EIF2AK4: variants seen among roughly 807,000 people sequenced by gnomAD.
The protein encoded by EIF2AK4 is eukaryotic translation initiation factor 2 alpha kinase 4, also known as eIF-2-alpha kinase GCN2.
EIF2AK4 carries 139 observed loss-of-function variants against 211.1 expected under a neutral mutation model. That is an observed-to-expected ratio of 0.66 (90% CI 0.57 to 0.76). The LOEUF is 0.76. EIF2AK4 is among the 30% of genes least tolerant of loss of function. The pLI, the probability that EIF2AK4 is intolerant of heterozygous loss-of-function variation, is 0.00. For missense variants in EIF2AK4, 1,664 were observed against 2,043.8 expected, an observed-to-expected ratio of 0.81 and a Z score of 3.58; for synonymous variants, 710 against 751.3, an observed-to-expected ratio of 0.94 and a Z score of 0.90.
At chr15:40,025,746 AG>A (rs2035458137) in intron 32 of EIF2AK4, among the ~76,000 whole-genome samples, 1 of 152,172 alleles carries the variant, frequency 6.6e-6, no homozygotes. Context: ...TCTCTGTTGT[AG>A]GGGGCTGTCC....
intron 32 of EIF2AK4, among the ~76,000 whole-genome samples, chr15:40,022,974 G>A (rs562316499): frequency 3.9e-5 from 6 of 152,134 alleles, no homozygotes; most frequent in Middle Eastern, 3.2e-3. Flanking sequence ...TGATCTGCCC[G>A]CCTCGGCCTC....
rs1324967705 is a variant in EIF2AK4 at position 40,020,974 on chromosome 15, C to T, written c.4249C>T (p.Gln1417Ter). Residue 1417 changes from glutamine to a stop codon, truncating the protein, a stop_gained, in exon 31 of 39, where the codon CAG becomes TAG. Coordinates refer to ENST00000263791, the MANE Select transcript of EIF2AK4 (RefSeq NM_001013703.4). LOFTEE classifies it high-confidence loss of function. Reference sequence around the variant, plus strand: ...TATGTCCAGGGCCATCAACCTAACCCAGAAACTCTGGACAGCAGGCATCAC... The same window carrying T: ...TATGTCCAGGGCCATCAACCTAACCTAGAAACTCTGGACAGCAGGCATCAC... ...MSMSRAINLT[Q>*]KLWTAGITAE... is the part of the protein sequence containing the mutation. 1 of 1,613,700 alleles carries T rather than the reference C, an allele frequency of 6.2e-7. No individual in the cohort carries two copies. Among genetic ancestry groups the T allele is most frequent in the African/African-American group, 1.3e-5 (1 of 74,886 alleles).
At chr15:39,953,770 T>C (rs2034352378) in intron 4 of EIF2AK4, 134 bp from the exon 5 acceptor site, 1 of 810,216 alleles carries the variant, frequency 1.2e-6, no homozygotes, top group Non-Finnish European at 2.0e-6. Flanking sequence ...TGTACTAAGA[T>C]GCTGTGTTTT....
At chr15:39,944,917 A>AT (rs1343820552) in intron 3 of EIF2AK4, among the ~76,000 whole-genome samples, 2 of 152,212 alleles carry the variant, frequency 1.3e-5, no homozygotes, top group African/African-American at 4.8e-5. Flanking sequence ...AGTTGTAAAA[A>AT]TTGTGTCCAT....
rs777187730 is a variant in EIF2AK4, at chr15:39,939,665, T to C, written c.257+48T>C. 4 of 1,466,520 alleles carry C rather than the reference T, an allele frequency of 2.7e-6. No homozygotes were observed. The South Asian group carries it at 4.9e-5, about 18-fold the overall frequency. 90.8% of individuals were successfully genotyped at this position (1,466,520 alleles called of 1,614,324 possible). A position where few individuals can be genotyped will look rare whatever the true frequency, so the allele number is the denominator to read the frequency against. ...TTGACGTGGTTTCAGTTTTCTGTTT[T>C]GACAACATAGAAACAGATTGAAATT... is the stretch of plus-strand genomic sequence containing the variant. On this transcript the variant is annotated intron_variant, in intron 2 of 38. Coordinates refer to ENST00000263791, the MANE Select transcript of EIF2AK4 (RefSeq NM_001013703.4).
chr15:40,033,401 T>TA (rs1254480890), intron 37 of EIF2AK4, among the ~76,000 whole-genome samples: 2 of 152,174 alleles, frequency 1.3e-5, no homozygotes, highest in East Asian at 1.9e-4. Flanking sequence ...TATATATATA[T>TA]TTTTACAGGT....
rs545359039 is a variant in EIF2AK4 at position 39,950,398 on chromosome 15, G to A, written c.513+1130G>A. On this transcript the variant is annotated intron_variant, in intron 4 of 38. Transcript: ENST00000263791. The stretch of plus-strand genomic sequence containing the variant: ...ACTTGAGGCCAGGAGTTCGAGACCA[G>A]CCTGGCCAACATGGCGAAACTCTGT... 5.9e-5 allele frequency among the ~76,000 whole-genome samples: 9 copies of A among 152,132 alleles called. No individual in the cohort carries two copies. In the South Asian group the frequency reaches 1.9e-3, roughly 32 times the overall value.
intron 11 of EIF2AK4, among the ~76,000 whole-genome samples, 193 bp from the exon 12 acceptor site, chr15:39,976,221 G>A (rs2034690218): frequency 6.6e-6 from 1 of 152,192 alleles, no homozygotes; most frequent in Admixed American, 6.5e-5. Context: ...ATCTAGAGTC[G>A]GGTGGGCTGT....
rs534491026 is a variant in EIF2AK4, at chr15:40,003,313, G to C, written c.3356G>C (p.Arg1119Pro). ...GMLVMLPFDLRIPFARYVARN... is the reference protein window; with the variant it reads ...GMLVMLPFDLPIPFARYVARN... Reference sequence around the variant, plus strand: ...CTGGTGATGCTTCCTTTTGACCTGCGGGTGAGGCTGGGAACACACTGCTGA... The same window carrying C: ...CTGGTGATGCTTCCTTTTGACCTGCCGGTGAGGCTGGGAACACACTGCTGA... The change falls in exon 23 of 39, where the codon CGG becomes CCG. Residue 1119 changes from arginine (R) to proline (P), a missense_variant and splice_region_variant. Coordinates refer to ENST00000263791, the MANE Select transcript of EIF2AK4 (RefSeq NM_001013703.4). 1 of 1,613,948 alleles carries C rather than the reference G, an allele frequency of 6.2e-7. No homozygotes were observed. Among genetic ancestry groups the C allele is most frequent in the Non-Finnish European group, 8.5e-7 (1 of 1,179,936 alleles).
At chr15:39,961,363 C>G (rs999682806) in intron 6 of EIF2AK4, among the ~76,000 whole-genome samples, 1 of 152,184 alleles carries the variant, frequency 6.6e-6, no homozygotes, top group African/African-American at 2.4e-5. Flanking sequence ...TCACTGCTGA[C>G]CAGTAGAACT....
intron 6 of EIF2AK4, among the ~76,000 whole-genome samples, chr15:39,960,863 A>G (rs1215230039): frequency 2.0e-5 from 3 of 152,338 alleles, no homozygotes; most frequent in East Asian, 3.9e-4. Flanking sequence ...AGGAGGAACA[A>G]TAGAAATTGT....
intron 9 of EIF2AK4, 36 bp from the exon 10 acceptor site, chr15:39,972,872 T>C (rs1183752765): frequency 6.4e-7 from 1 of 1,551,898 alleles, no homozygotes; most frequent in Admixed American, 1.7e-5. Flanking sequence ...CACTGATTGT[T>C]TGTGATGCTA....
intron 2 of EIF2AK4, 45 bp from the exon 3 acceptor site, chr15:39,943,338 T>C (rs1462508869): frequency 6.9e-7 from 1 of 1,452,530 alleles, no homozygotes; most frequent in Non-Finnish European, 9.3e-7. Context: ...AGGCTATACT[T>C]TCTGGAGTAA....
chr15:39,987,380 A>C (rs7180126), intron 14 of EIF2AK4, among the ~76,000 whole-genome samples: 59,178 of 151,976 alleles, frequency 0.39, 12,485 homozygotes, highest in Non-Finnish European at 0.48. Flanking sequence ...AGAAATCTCA[A>C]CTCTGGCACT....
chr15:39,973,865 T>C, intron 11 of EIF2AK4, 116 bp downstream of exon 11: 1 of 1,161,210 alleles, frequency 8.6e-7, no homozygotes, highest in Non-Finnish European at 1.2e-6. Flanking sequence ...AATATGGCTG[T>C]TGGATACTAT....
intron 3 of EIF2AK4, chr15:39,946,550 G>A (rs560490493): frequency 3.1e-5 from 22 of 702,076 alleles, no homozygotes; most frequent in Non-Finnish European, 4.9e-5. Flanking sequence ...AATGACAATC[G>A]AGCATTTAGG....
At position 39,976,689 on chromosome 15, in the gene EIF2AK4, C is replaced by A; in HGVS notation, c.2094C>A (p.Ala698=). 6.2e-7 allele frequency: 1 copy of A among 1,600,910 alleles called. No homozygotes were observed. Among genetic ancestry groups the A allele is most frequent in the Admixed American group, 1.7e-5 (1 of 59,270 alleles). Residue 698 remains alanine, a synonymous_variant, in exon 12 of 39, where the codon GCC becomes GCA. Transcript: ENST00000263791. ...CAGACGGCCTGGACAGCGTAGAGGC[C>A]GCCGCGCCGCCACCCATCCTCAGCA... The part of the protein sequence containing the change: ...SDTDGLDSVE[A]AAPPPILSSS...
rs144578390 is a variant in EIF2AK4 at position 39,989,324 on chromosome 15, C to T, written c.2527-949C>T. 1.1e-4 allele frequency among the ~76,000 whole-genome samples: 17 copies of T among 152,240 alleles called. 1 individual carries two copies. In the East Asian group the frequency reaches 2.7e-3, roughly 24 times the overall value. ...TTCCTTTGCCTCAAATTTCTTTAAC[C>T]TTAAAATGTTTGTACTGTACCGTAT... On this transcript the variant is annotated intron_variant, in intron 15 of 38. Coordinates refer to ENST00000263791, the MANE Select transcript of EIF2AK4 (RefSeq NM_001013703.4).
rs540504094 is a variant in EIF2AK4 at position 40,013,169 on chromosome 15, T to A, written c.3759+1823T>A. ...GAATACATGATTTTAAATTTAAATT[T>A]TTTTCTTTTTATTTTTTTGAGACAG... On this transcript the variant is annotated intron_variant, in intron 27 of 38. Transcript: ENST00000263791. 5.9e-5 allele frequency among the ~76,000 whole-genome samples: 9 copies of A among 152,346 alleles called. 1 individual carries two copies. The South Asian group carries it at 1.7e-3, about 28-fold the overall frequency.
Sources: gnomAD v4.1 joint callset for allele counts (sites outside exome capture counted in the v4.1 genomes callset) on GRCh38, gnomAD v4.1.1 for gene constraint, MANE v1.5 for transcripts, NCBI Gene and HGNC (gene_info 2026-07-23, HGNC 2026-07-21) for gene names.